The following ATP2B3 variants were observed in gnomAD, a reference collection of about 807,000 sequenced individuals.
The protein encoded by ATP2B3 is ATPase plasma membrane Ca2+ transporting 3.
In ATP2B3, 12 loss-of-function variants were observed where a neutral mutation model predicts 70.8. The observed-to-expected ratio is 0.17, with a 90% CI of 0.11 to 0.27. The LOEUF (loss-of-function observed/expected upper bound fraction) is 0.27, where lower values mean the gene tolerates loss of function less well. Among genes scored for constraint, ATP2B3 ranks in the 10% least tolerant of loss-of-function variants. The probability of loss-of-function intolerance (pLI) is 1.00; values close to 1 mark genes in which losing one functional copy is unlikely to be tolerated. For missense variants in ATP2B3, 858 were observed against 1,118.5 expected (o/e 0.77, Z 3.32); for synonymous variants, 460 against 497.8 (o/e 0.92, Z 1.01).
chrX:153,542,439 C>G lies in ATP2B3; in HGVS notation c.781C>G (p.Leu261Val), dbSNP rs782544203. 3.6e-5 allele frequency: 44 copies of G among 1,210,228 alleles called. No individual in the cohort carries two copies. The highest frequency in any genetic ancestry group is 4.5e-5 in the Non-Finnish European group (40 of 895,232). ...CAAGTCAGCTGACAAAGATCCCATG[C>G]TGCTCTCAGGTGAGGGCCACCCTCC... ...VRKSADKDPM[L>V]LSGTHVMEGS... Residue 261 changes from leucine (L) to valine (V), a missense_variant, in exon 6 of 22, where the codon CTG becomes GTG. This residue lies in a region of ATP2B3 where 278 missense variants were observed against 366.2 expected (regional missense o/e 0.76). Transcript: ENST00000263519.
chrX:153,528,001 A>T (rs142351231), intron 2 of ATP2B3, among the ~76,000 whole-genome samples: 163 of 112,888 alleles, frequency 1.4e-3, no homozygotes, highest in African/African-American at 5.0e-3. Flanking sequence ...CCTTCTCACC[A>T]ACCCAGCAAA....
chrX:153,563,654 A>C (rs2090660067), intron 20 of ATP2B3, among the ~76,000 whole-genome samples: 1 of 111,472 alleles, frequency 9.0e-6, no homozygotes, highest in Non-Finnish European at 1.9e-5. Flanking sequence ...CACTTCCCGA[A>C]ACCTGGACTC....
chrX:153,519,151 T>A (rs1376537353), intron 2 of ATP2B3, among the ~76,000 whole-genome samples: 3 of 112,373 alleles, frequency 2.7e-5, no homozygotes, highest in Non-Finnish European at 3.8e-5. Flanking sequence ...AGTGGGCACC[T>A]GGTTTCTGCA....
At position 153,519,996 on chromosome X, in the gene ATP2B3, C is replaced by T. The variant is rs781979790; in HGVS notation, c.-127+1445C>T. Among the ~76,000 whole-genome samples the T allele has an allele frequency of 6.4e-5, 7 of 109,368 alleles. No homozygotes were observed. The South Asian group carries it at 2.8e-3, about 44-fold the overall frequency. 95.0% of individuals were successfully genotyped at this position (109,368 alleles called of 115,157 possible). On this transcript the variant is annotated intron_variant, in intron 2 of 21. Coordinates refer to ENST00000263519, the MANE Select transcript of ATP2B3 (RefSeq NM_001001344.3). ...GGGCCAGAGGAGGCTCGTGAGGGTGCCTGGGGCTTCAGTGACAGCAGCCCC... is the reference window on the plus strand; with the variant it reads ...GGGCCAGAGGAGGCTCGTGAGGGTGTCTGGGGCTTCAGTGACAGCAGCCCC...
At position 153,580,545 on chromosome X, in the gene ATP2B3, G is replaced by A; in HGVS notation, c.*247G>A. ...GGACAGGGAGGAGGAAAAGGAGGAA[G>A]AGGAGGACAAAAAGGGGGAGGAGAA... On this transcript the variant is annotated 3_prime_UTR_variant, in exon 22 of 22. Transcript: ENST00000263519. 2 of 341,179 alleles carry A rather than the reference G, an allele frequency of 5.9e-6. No individual in the cohort carries two copies. Among genetic ancestry groups the A allele is most frequent in the Non-Finnish European group, 5.1e-6 (1 of 195,964 alleles). 28.1% of individuals were successfully genotyped at this position (341,179 alleles called of 1,213,427 possible). A position where few individuals can be genotyped will look rare whatever the true frequency, so the allele number is the denominator to read the frequency against.
At chrX:153,557,608 C>T (rs1393919056) in intron 16 of ATP2B3, among the ~76,000 whole-genome samples, 2 of 112,342 alleles carry the variant, frequency 1.8e-5, no homozygotes, top group African/African-American at 3.2e-5. Flanking sequence ...CGAGAGGTGG[C>T]AGCTCTCACG....
intron 2 of ATP2B3, among the ~76,000 whole-genome samples, chrX:153,525,802 C>T (rs146132811): frequency 0.015 from 1,716 of 113,284 alleles, 26 homozygotes; most frequent in East Asian, 0.11. Flanking sequence ...GCCCACAACA[C>T]TGTGACCAGC....
At chrX:153,568,265 A>G (rs2090738983) in intron 21 of ATP2B3, among the ~76,000 whole-genome samples, 1 of 111,676 alleles carries the variant, frequency 9.0e-6, no homozygotes, top group Non-Finnish European at 1.9e-5. Context: ...ATTATAATGC[A>G]AAGAGAAGCT....
intron 20 of ATP2B3, among the ~76,000 whole-genome samples, chrX:153,564,261 C>T (rs1557017322): frequency 8.9e-6 from 1 of 112,994 alleles, no homozygotes; most frequent in Non-Finnish European, 1.9e-5. Context: ...CTCCCAGCAA[C>T]GGTGTGGAGC....
Position 153,542,466 on chromosome X carries a change from G to A in ATP2B3, c.790+18G>A, listed in dbSNP as rs781789286. 1.3e-5 allele frequency: 16 copies of A among 1,206,455 alleles called. No individual in the cohort carries two copies. The highest frequency in any genetic ancestry group is 1.2e-4 in the East Asian group (4 of 33,709). ...GCTCTCAGGTGAGGGCCACCCTCCG[G>A]GCCAGCCTGGCACCAAGGGGCGTCA... On this transcript the variant is annotated intron_variant, in intron 6 of 21. Transcript: ENST00000263519.
chrX:153,551,763 G>A (rs1028226036), intron 12 of ATP2B3, among the ~76,000 whole-genome samples: 4 of 111,909 alleles, frequency 3.6e-5, no homozygotes, highest in Non-Finnish European at 7.5e-5. Flanking sequence ...AAAGCTATTA[G>A]AACAAAGTAA....
chrX:153,556,076 C>A lies in ATP2B3; in HGVS notation c.2086C>A (p.Arg696Ser), dbSNP rs782683285. The A allele has an allele frequency of 4.1e-6, 5 of 1,212,510 alleles. No individual in the cohort carries two copies. The Admixed American group carries it at 1.1e-4, about 26-fold the overall frequency. ...EVPEAIRKCQ[R>S]AGITVRMVTG... ...CCCTGAAGCTATCCGAAAATGCCAG[C>A]GTGCTGGCATCACAGTCCGCATGGT... The change falls in exon 14 of 22, where the codon CGT becomes AGT. Residue 696 changes from arginine to serine, a missense_variant. Physicochemically the swap from Arg to Ser is moderately radical, Grantham distance 110. Coordinates refer to ENST00000263519, the MANE Select transcript of ATP2B3 (RefSeq NM_001001344.3).
In ATP2B3 at chrX:153,581,669, A is replaced by AG. The variant is rs2090923726; in HGVS notation, c.*1371_*1372insG. On this transcript the variant is annotated 3_prime_UTR_variant, in exon 22 of 22. Transcript: ENST00000263519. ...CCCCTCAGCACCTGGATGGACTCCC[A>AG]CTGTTTGCTTTGGCAAATGCCGAGG... 8.8e-6 allele frequency: 1 copy of AG among 113,073 alleles called. No individual in the cohort carries two copies. Among genetic ancestry groups the AG allele is most frequent in the African/African-American group, 3.2e-5 (1 of 31,124 alleles). The allele number at this position is 113,073 out of a possible 1,213,427, so 9.3% of individuals were successfully genotyped here.
In ATP2B3 at chrX:153,581,944, C is replaced by G. The variant is rs1045009371; in HGVS notation, c.*1646C>G. ...GACTTTTGCCACCCTCCTGAGGAAG[C>G]CCCTAGGTCCACACAGTGATGCCAT... On this transcript the variant is annotated 3_prime_UTR_variant, in exon 22 of 22. Coordinates refer to ENST00000263519, the MANE Select transcript of ATP2B3 (RefSeq NM_001001344.3). 1 of 112,633 alleles carries G rather than the reference C, an allele frequency of 8.9e-6. No homozygotes were observed. The highest frequency in any genetic ancestry group is 1.9e-5 in the Non-Finnish European group (1 of 53,294). 9.3% of individuals were successfully genotyped at this position (112,633 alleles called of 1,213,427 possible). A position where few individuals can be genotyped will look rare whatever the true frequency, so the allele number is the denominator to read the frequency against.
At position 153,547,975 on chromosome X, in the gene ATP2B3, C is replaced by T. The variant is rs150989590; in HGVS notation, c.1099C>T (p.Leu367=). The change falls in exon 9 of 22, where the codon CTA becomes TTA. Residue 367 remains leucine (L), a synonymous_variant. Coordinates refer to ENST00000263519, the MANE Select transcript of ATP2B3 (RefSeq NM_001001344.3). ...KSVLQGKLTK[L]AVQIGKAGLV... ...TGTCCTTCAGGGGAAGCTCACAAAGCTAGCCGTGCAGATCGGGAAAGCAGG... is the reference window on the plus strand; with the variant it reads ...TGTCCTTCAGGGGAAGCTCACAAAGTTAGCCGTGCAGATCGGGAAAGCAGG... 584 of 1,206,311 alleles carry T rather than the reference C, an allele frequency of 4.8e-4. No homozygotes were observed. The highest frequency in any genetic ancestry group is 6.0e-4 in the Non-Finnish European group (539 of 892,864).
chrX:153,526,453 CT>C (rs1191276820), intron 2 of ATP2B3, among the ~76,000 whole-genome samples: 2 of 111,836 alleles, frequency 1.8e-5, no homozygotes, highest in Non-Finnish European at 3.8e-5. Context: ...ACGGCAGGAA[CT>C]TGGTGGTGCT....
chrX:153,577,240 A>G (rs1277515190), intron 21 of ATP2B3, among the ~76,000 whole-genome samples: 3 of 113,096 alleles, frequency 2.7e-5, no homozygotes, highest in Admixed American at 9.3e-5. Context: ...CAGTAGCAGC[A>G]GAAGCCCAGC....
At chrX:153,579,009 C>T (rs1188673177) in intron 21 of ATP2B3, among the ~76,000 whole-genome samples, 2 of 112,902 alleles carry the variant, frequency 1.8e-5, no homozygotes, top group Non-Finnish European at 3.8e-5. Context: ...GACTGCTGGG[C>T]TCTCTGGCCT....
chrX:153,542,478 A>G (rs782619150), intron 6 of ATP2B3, 30 bp downstream of exon 6: 14 of 1,204,041 alleles, frequency 1.2e-5, no homozygotes, highest in Non-Finnish European at 1.6e-5. Flanking sequence ...CCAGCCTGGC[A>G]CCAAGGGGCG....
Sources: allele counts gnomAD v4.1 joint callset (sites outside exome capture counted in the v4.1 genomes callset), GRCh38; gene constraint gnomAD v4.1.1; regional missense constraint gnomAD v4.1.1; transcripts MANE v1.5; gene names NCBI Gene and HGNC (gene_info 2026-07-23, HGNC 2026-07-21).